The following PLOD2 variants were observed in gnomAD, a reference collection of about 807,000 sequenced individuals.
The protein encoded by PLOD2 is lysine hydroxylase 2.
In PLOD2, 65 loss-of-function variants were observed where a neutral mutation model predicts 101.0. That is an observed-to-expected ratio of 0.64 (90% CI 0.53 to 0.79). PLOD2 has a LOEUF of 0.79. Ranked by LOEUF, PLOD2 falls within the 30% of genes least tolerant of loss-of-function variation. PLOD2 has a pLI of 0.00. For missense variants in PLOD2, 909 were observed against 914.6 expected, an observed-to-expected ratio of 0.99 and a Z score of 0.08; for synonymous variants, 314 against 302.9, an observed-to-expected ratio of 1.04 and a Z score of -0.38.
intron 1 of PLOD2, among the ~76,000 whole-genome samples, chr3:146,140,104 T>C (rs2031448617): frequency 6.6e-6 from 1 of 152,122 alleles, no homozygotes. Flanking sequence ...GCAGTATAAA[T>C]CCATACAGGG....
chr3:146,095,891 T>TCTCCCCC (rs1576588952), intron 7 of PLOD2, among the ~76,000 whole-genome samples: 1 of 24,792 alleles, frequency 4.0e-5, no homozygotes, highest in East Asian at 3.7e-3. Context: ...CCCTCTCCCC[T>TCTCCCCC]CTCCCCCCTC....
chr3:146,145,476 G>A (rs935528444), intron 1 of PLOD2, among the ~76,000 whole-genome samples: 7 of 152,062 alleles, frequency 4.6e-5, no homozygotes, highest in African/African-American at 1.4e-4. Flanking sequence ...AATAATGTGA[G>A]GAAGATCAAC....
intron 15 of PLOD2, 45 bp downstream of exon 15, chr3:146,076,737 C>A (rs766838820): frequency 1.1e-6 from 1 of 937,736 alleles, no homozygotes; most frequent in African/African-American, 1.6e-5. Flanking sequence ...TTTATAACCA[C>A]TTACAGTTAT....
chr3:146,097,117 G>C (rs1480558690), intron 7 of PLOD2, among the ~76,000 whole-genome samples: 1 of 149,486 alleles, frequency 6.7e-6, no homozygotes, highest in Non-Finnish European at 1.5e-5. Flanking sequence ...GCCCTGTCCA[G>C]GAGGGAGGTG....
At chr3:146,139,645 G>A (rs1045295174) in intron 1 of PLOD2, among the ~76,000 whole-genome samples, 5 of 152,060 alleles carry the variant, frequency 3.3e-5, no homozygotes, top group Non-Finnish European at 5.9e-5. Context: ...ATTTCCACTG[G>A]ACTTAAGCAG....
intron 17 of PLOD2, 94 bp from the exon 18 acceptor site, chr3:146,071,517 CAAT>C: frequency 8.5e-7 from 1 of 1,172,398 alleles, no homozygotes; most frequent in Non-Finnish European, 1.3e-6. Flanking sequence ...TCATAATAGA[CAAT>C]AAAAATAACA....
chr3:146,106,687 G>C, intron 4 of PLOD2, 43 bp from the exon 5 acceptor site: 1 of 971,904 alleles, frequency 1.0e-6, no homozygotes, highest in South Asian at 1.3e-5. Context: ...AGGATTCAAA[G>C]ACCAAAACTG....
chr3:146,119,290 A>C lies in PLOD2; in HGVS notation c.338+1822T>G, dbSNP rs1325339332. On this transcript the variant is annotated intron_variant, in intron 3 of 19. Transcript: ENST00000282903. Reference sequence around the variant, plus strand: ...TTTCCTGAGGCCTCTCCAGAAGCCAAGCAGCTGGCCAGCATCATGTTTCCT... The same window carrying C: ...TTTCCTGAGGCCTCTCCAGAAGCCACGCAGCTGGCCAGCATCATGTTTCCT... Among the ~76,000 whole-genome samples, 3 of 152,260 alleles carry C rather than the reference A, an allele frequency of 2.0e-5. No individual in the cohort carries two copies. In the East Asian group the frequency reaches 5.8e-4, roughly 29 times the overall value.
chr3:146,158,121 G>C (rs548428168), intron 1 of PLOD2, among the ~76,000 whole-genome samples: 1 of 151,986 alleles, frequency 6.6e-6, no homozygotes, highest in East Asian at 1.9e-4. Context: ...GAGACATGAC[G>C]GCAAAGACTT....
At chr3:146,111,253 C>T (rs1159574230) in intron 3 of PLOD2, among the ~76,000 whole-genome samples, 2 of 152,010 alleles carry the variant, frequency 1.3e-5, no homozygotes, top group Non-Finnish European at 2.9e-5. Context: ...ATCAGTGCAC[C>T]TTAAGACCAA....
At chr3:146,159,115 C>G (rs577417394) in intron 1 of PLOD2, among the ~76,000 whole-genome samples, 1 of 152,280 alleles carries the variant, frequency 6.6e-6, no homozygotes, top group South Asian at 2.1e-4. Flanking sequence ...TGTAATCAAA[C>G]TGACTACTGC....
chr3:146,070,489 G>GT lies in PLOD2; in HGVS notation c.*227dup, dbSNP rs1366797197. The GT allele has an allele frequency of 9.1e-6, 3 of 330,310 alleles. No individual in the cohort carries two copies. The highest frequency in any genetic ancestry group is 4.3e-5 in the African/African-American group (2 of 46,848). The allele number at this position is 330,310 out of a possible 1,614,324, so 20.5% of individuals were successfully genotyped here. On this transcript the variant is annotated 3_prime_UTR_variant, in exon 20 of 20. Coordinates refer to ENST00000282903, the MANE Select transcript of PLOD2 (RefSeq NM_182943.3). ...ACAAAGCATAGAAATAAATATTTAA[G>GT]TTTTTTCTTTCTTTTCTTCTTCAAT...
rs144678432 is a variant in PLOD2, at chr3:146,126,836, A to T, written c.110-2607T>A. Among the ~76,000 whole-genome samples the T allele has an allele frequency of 7.0e-3, 1,068 of 152,198 alleles. 4 individuals are homozygous for T. The highest frequency in any genetic ancestry group is 0.026 in the South Asian group (126 of 4,824). On this transcript the variant is annotated intron_variant, in intron 1 of 19. Coordinates refer to ENST00000282903, the MANE Select transcript of PLOD2 (RefSeq NM_182943.3). ...TTTCATTTACTTTTTTTTAAAAAAG[A>T]GTCCTTATAATTTAGAGACACATAC...
chr3:146,092,608 A>AAGATC, intron 7 of PLOD2, among the ~76,000 whole-genome samples: 1 of 152,020 alleles, frequency 6.6e-6, no homozygotes, highest in Non-Finnish European at 1.5e-5. Flanking sequence ...CTCTCTGAGT[A>AAGATC]TCCCCTTTGT....
At chr3:146,123,136 G>T in intron 2 of PLOD2, 1 of 193,274 alleles carries the variant, frequency 5.2e-6, no homozygotes, top group South Asian at 8.5e-5. Flanking sequence ...TCTATACTTA[G>T]TATTCCAGTG....
At chr3:146,126,856 A>G (rs2030594513) in intron 1 of PLOD2, among the ~76,000 whole-genome samples, 1 of 152,134 alleles carries the variant, frequency 6.6e-6, no homozygotes, top group Non-Finnish European at 1.5e-5. Flanking sequence ...ATTTAGAGAC[A>G]CATACTGAAG....
chr3:146,073,107 A>G (rs1302909756), intron 16 of PLOD2, among the ~76,000 whole-genome samples, 180 bp downstream of exon 16: 1 of 151,626 alleles, frequency 6.6e-6, no homozygotes, highest in East Asian at 1.9e-4. Flanking sequence ...GTTAATTTCT[A>G]TGTTCTACAT....
chr3:146,074,248 A>C (rs4681111), intron 15 of PLOD2, among the ~76,000 whole-genome samples: 78,114 of 151,274 alleles, frequency 0.52, 20,275 homozygotes, highest in Middle Eastern at 0.56. Context: ...CCAAAAAGAT[A>C]TCTTCTGAAA....
intron 3 of PLOD2, 132 bp from the exon 4 acceptor site, chr3:146,110,580 C>T (rs745915656): frequency 2.3e-4 from 139 of 613,336 alleles, no homozygotes; most frequent in Non-Finnish European, 3.6e-4. Flanking sequence ...CAACTATTTA[C>T]ACAGAACACC....
Sources: gnomAD v4.1 joint callset for allele counts (sites outside exome capture counted in the v4.1 genomes callset) on GRCh38, gnomAD v4.1.1 for gene constraint, MANE v1.5 for transcripts, NCBI Gene and HGNC (gene_info 2026-07-23, HGNC 2026-07-21) for gene names.